Variants in WNT8A observed in about 807,000 individuals in gnomAD.
WNT8A encodes Wnt family member 8A.
A neutral mutation model predicts 20.5 loss-of-function variants in WNT8A; 14 were observed. That is an observed-to-expected ratio of 0.68 (90% CI 0.45 to 1.07). The LOEUF (loss-of-function observed/expected upper bound fraction) is 1.07. Ranked by LOEUF, WNT8A falls within the 50% of genes least tolerant of loss-of-function variation. WNT8A has a pLI of 0.00. For missense variants in WNT8A, 397 were observed against 462.9 expected, an observed-to-expected ratio of 0.86 and a Z score of 1.31; for synonymous variants, 167 against 169.2, an observed-to-expected ratio of 0.99 and a Z score of 0.10.
In WNT8A at chr5:138,090,613, C is replaced by T. The variant is rs756786087; in HGVS notation, c.650C>T (p.Ala217Val). The change falls in exon 5 of 5, where the codon GCT becomes GTT. Residue 217 changes from alanine to valine, a missense_variant. Coordinates refer to ENST00000506684, the MANE Select transcript of WNT8A (RefSeq NM_001300939.2). ...ATACAGACATGCTGGCTGCAGCTGG[C>T]TGAATTCCGGGAGATGGGAGACTAC... Reference protein sequence around the residue: ...CSIQTCWLQLAEFREMGDYLK... With the variant: ...CSIQTCWLQLVEFREMGDYLK... 3 of 1,614,222 alleles carry T rather than the reference C, an allele frequency of 1.9e-6. No homozygotes were observed. The highest frequency in any genetic ancestry group is 2.2e-5 in the South Asian group (2 of 91,084).
the WNT8A span, among the ~76,000 whole-genome samples, chr5:138,077,570 A>G: frequency 6.6e-6 from 1 of 152,092 alleles, no homozygotes; most frequent in South Asian, 2.1e-4. Context: ...CCAGCTCCAA[A>G]CCTTCTTCTT....
the WNT8A span, among the ~76,000 whole-genome samples, chr5:138,078,841 A>T: frequency 2.0e-5 from 3 of 152,140 alleles, no homozygotes; most frequent in Non-Finnish European, 4.4e-5. Flanking sequence ...TGACGTTGTT[A>T]TATCCTTTAT....
chr5:138,083,297 A>G (rs984107981), upstream of WNT8A, among the ~76,000 whole-genome samples: 7 of 151,990 alleles, frequency 4.6e-5, no homozygotes, highest in East Asian at 1.9e-4. Context: ...AAAAAAAAAA[A>G]AGAGAAAGGC....
chr5:138,087,695 A>T (rs1750715063), intron 2 of WNT8A, 111 bp from the exon 3 acceptor site: 1 of 1,006,190 alleles, frequency 9.9e-7, no homozygotes, highest in African/African-American at 1.7e-5. Context: ...CATCCTCTTA[A>T]ACCCAAAGGA....
intron 4 of WNT8A, among the ~76,000 whole-genome samples, chr5:138,089,814 A>T (rs1040267473): frequency 1.3e-5 from 2 of 152,070 alleles, no homozygotes; most frequent in African/African-American, 4.8e-5. Flanking sequence ...GGTGCTTGCC[A>T]CTATGCCCAG....
intron 2 of WNT8A, among the ~76,000 whole-genome samples, chr5:138,086,377 C>A (rs1750662675): frequency 6.6e-6 from 1 of 151,838 alleles, no homozygotes; most frequent in South Asian, 2.1e-4. Context: ...ACCCCCATGC[C>A]CGGCTAATTT....
At chr5:138,087,331 G>C (rs1312257983) in intron 2 of WNT8A, among the ~76,000 whole-genome samples, 3 of 135,004 alleles carry the variant, frequency 2.2e-5, no homozygotes, top group East Asian at 2.3e-4. Flanking sequence ...CTGGGCAACA[G>C]AGTGAGACTC....
chr5:138,087,676 A>AT, intron 2 of WNT8A, 130 bp from the exon 3 acceptor site: 1 of 777,494 alleles, frequency 1.3e-6, no homozygotes, highest in Non-Finnish European at 1.9e-6. Flanking sequence ...AAAAAAAAAG[A>AT]AAGAAAAGCA....
At chr5:138,086,448 G>C (rs1052785672) in intron 2 of WNT8A, among the ~76,000 whole-genome samples, 1 of 151,696 alleles carries the variant, frequency 6.6e-6, no homozygotes, top group Non-Finnish European at 1.5e-5. Flanking sequence ...GAACTCCTGA[G>C]CTCAAGCAAT....
chr5:138,083,819 C>A, upstream of WNT8A: 2 of 397,732 alleles, frequency 5.0e-6, no homozygotes, highest in East Asian at 3.8e-5. Flanking sequence ...AGGAGAAAAG[C>A]AGCCTCCTTC....
chr5:138,091,036 C>T lies in WNT8A; in HGVS notation c.1073C>T (p.Pro358Leu), dbSNP rs762283369. ...VVSKYYCARS[P>L]GSAQSLGKGS... ...AGCAAGTATTACTGCGCACGCTCCC[C>T]AGGCAGTGCCCAGTCCCTGGGTAAG... Residue 358 changes from proline (P) to leucine (L), a missense_variant, in exon 5 of 5, where the codon CCA (proline) becomes CTA (leucine). Transcript: ENST00000506684. The T allele has an allele frequency of 4.3e-6, 7 of 1,613,494 alleles. No individual in the cohort carries two copies. The Admixed American group carries it at 6.7e-5, about 15-fold the overall frequency.
the WNT8A span, among the ~76,000 whole-genome samples, chr5:138,078,280 C>A: frequency 1.3e-5 from 2 of 152,198 alleles, no homozygotes; most frequent in South Asian, 4.1e-4. Flanking sequence ...GAAGAATATG[C>A]ATGGAGGCTC....
chr5:138,088,340 T>C (rs1028455807), intron 3 of WNT8A, among the ~76,000 whole-genome samples: 1 of 151,314 alleles, frequency 6.6e-6, no homozygotes, highest in Admixed American at 6.6e-5. Context: ...AATTCCAGAA[T>C]GTTTGAGCTG....
upstream of WNT8A, among the ~76,000 whole-genome samples, chr5:138,082,096 A>G (rs932763773): frequency 2.0e-5 from 3 of 152,172 alleles, no homozygotes; most frequent in Non-Finnish European, 4.4e-5. Flanking sequence ...CTTTCCATCT[A>G]TGCTTTCCTC....
At chr5:138,083,808 T>C, upstream of WNT8A, 1 of 378,502 alleles carries the variant, frequency 2.6e-6, no homozygotes, top group Non-Finnish European at 4.7e-6. Flanking sequence ...ATCTCACGTA[T>C]AGGAGAAAAG....
At chr5:138,081,908 C>G (rs548015248), upstream of WNT8A, among the ~76,000 whole-genome samples, 3 of 152,068 alleles carry the variant, frequency 2.0e-5, no homozygotes, top group Admixed American at 2.0e-4. Context: ...GTTTGCAGAC[C>G]GACGCCAAGC....
chr5:138,092,002 A>C (rs1354573574), downstream of WNT8A: 1 of 152,166 alleles, frequency 6.6e-6, no homozygotes, highest in Admixed American at 6.5e-5. Context: ...CATGGCAGTC[A>C]GTGGACAGGT....
Position 138,084,480 on chromosome 5 carries a change from C to A in WNT8A, c.157-18C>A. On this transcript the variant is annotated intron_variant, in intron 1 of 4. Transcript: ENST00000506684. ...ACCCATACCGGGCAGAAGCTCACAGCCCTTTTCCCTTTGCCAGGCCTATCT... is the reference window on the plus strand; with the variant it reads ...ACCCATACCGGGCAGAAGCTCACAGACCTTTTCCCTTTGCCAGGCCTATCT... The A allele has an allele frequency of 6.3e-7, 1 of 1,588,390 alleles. No individual in the cohort carries two copies. Among genetic ancestry groups the A allele is most frequent in the Non-Finnish European group, 8.6e-7 (1 of 1,166,176 alleles).
upstream of WNT8A, among the ~76,000 whole-genome samples, chr5:138,080,588 T>C (rs898977710): frequency 6.6e-6 from 1 of 150,954 alleles, no homozygotes; most frequent in African/African-American, 2.4e-5. Context: ...GATTACAGAA[T>C]TACAGGAGTG....
Sources: allele counts gnomAD v4.1 joint callset (sites outside exome capture counted in the v4.1 genomes callset), GRCh38; gene constraint gnomAD v4.1.1; transcripts MANE v1.5; gene names NCBI Gene and HGNC (gene_info 2026-07-23, HGNC 2026-07-21).